KLF8: variants seen among roughly 807,000 people sequenced by gnomAD.
The protein encoded by KLF8 is KLF transcription factor 8, also known as Krueppel-like factor 8.
A neutral mutation model predicts 18.2 loss-of-function variants in KLF8; 10 were observed. The observed-to-expected ratio is 0.55, with a 90% CI of 0.34 to 0.93. The LOEUF (loss-of-function observed/expected upper bound fraction) is 0.93. KLF8 is among the 40% of genes least tolerant of loss of function. KLF8 has a pLI of 0.02. For missense variants in KLF8, 264 were observed against 277.9 expected, an observed-to-expected ratio of 0.95 and a Z score of 0.36; for synonymous variants, 109 against 97.3, an observed-to-expected ratio of 1.12 and a Z score of -0.71.
At chrX:56,142,420 C>G in the KLF8 span, among the ~76,000 whole-genome samples, 1 of 111,390 alleles carries the variant, frequency 9.0e-6, no homozygotes, top group African/African-American at 3.3e-5. Flanking sequence ...ACTGAATCTT[C>G]CATATCTCAT....
the KLF8 span, among the ~76,000 whole-genome samples, chrX:56,091,198 T>G: frequency 1.8e-5 from 2 of 111,174 alleles, no homozygotes; most frequent in Admixed American, 9.6e-5. Context: ...GTTTCCACCA[T>G]GCTATTCTTG....
At chrX:55,976,569 TACACAC>T in the KLF8 span, among the ~76,000 whole-genome samples, 1 of 102,537 alleles carries the variant, frequency 9.8e-6, no homozygotes, top group African/African-American at 3.6e-5. Flanking sequence ...TCCATTTGTG[TACACAC>T]ACACACACAC....
chrX:56,044,777 G>A, the KLF8 span, among the ~76,000 whole-genome samples: 1 of 112,539 alleles, frequency 8.9e-6, no homozygotes, highest in South Asian at 3.7e-4. Flanking sequence ...GGGATTCCAA[G>A]CCAGTGAGTC....
the KLF8 span, among the ~76,000 whole-genome samples, chrX:56,081,249 G>C: frequency 3.6e-5 from 4 of 111,241 alleles, no homozygotes; most frequent in Admixed American, 1.9e-4. Flanking sequence ...CAGTTTTTCT[G>C]TTCTGTTTTT....
At chrX:56,273,195 G>A (rs749457456) in intron 5 of KLF8, among the ~76,000 whole-genome samples, 28 of 111,146 alleles carry the variant, frequency 2.5e-4, no homozygotes, top group Non-Finnish European at 4.5e-4. Flanking sequence ...TTGTGGGTAC[G>A]TAGTAGGTTT....
At chrX:55,925,171 ATTTT>A in the KLF8 span, among the ~76,000 whole-genome samples, 2 of 70,011 alleles carry the variant, frequency 2.9e-5, no homozygotes, top group African/African-American at 5.8e-5. Flanking sequence ...TGGTGGTTTC[ATTTT>A]TTTTTTTTTT....
the KLF8 span, among the ~76,000 whole-genome samples, chrX:56,067,215 T>G: frequency 9.5e-6 from 1 of 104,871 alleles, no homozygotes; most frequent in Non-Finnish European, 2.0e-5. Context: ...TCCATTCGTC[T>G]TTGTGGAGTA....
the KLF8 span, among the ~76,000 whole-genome samples, chrX:56,056,313 T>C: frequency 9.0e-6 from 1 of 110,788 alleles, no homozygotes; most frequent in African/African-American, 3.3e-5. Flanking sequence ...CCAACTGGCT[T>C]CATTTCTGGA....
the KLF8 span, among the ~76,000 whole-genome samples, chrX:56,107,194 C>T: frequency 1.8e-5 from 2 of 112,133 alleles, no homozygotes; most frequent in African/African-American, 6.5e-5. Flanking sequence ...CTGGAGTAGG[C>T]AGTCTGTCCA....
intron 1 of KLF8, among the ~76,000 whole-genome samples, chrX:56,240,707 G>A (rs970749165): frequency 1.8e-5 from 2 of 111,105 alleles, no homozygotes; most frequent in Non-Finnish European, 3.8e-5. Flanking sequence ...CTATTTCAAA[G>A]TACAGGGTAG....
the KLF8 span, among the ~76,000 whole-genome samples, chrX:56,046,799 G>A: frequency 1.1e-4 from 12 of 111,399 alleles, no homozygotes; most frequent in Non-Finnish European, 1.9e-4. Context: ...TTACCTCACA[G>A]CTGTAAAGAT....
intron 1 of KLF8, among the ~76,000 whole-genome samples, chrX:56,234,414 G>T (rs1021748472): frequency 4.5e-5 from 5 of 111,630 alleles, no homozygotes; most frequent in African/African-American, 6.5e-5. Context: ...TGTGTATGTG[G>T]CAGAGGCTGC....
chrX:56,055,109 C>G, the KLF8 span, among the ~76,000 whole-genome samples: 1 of 111,445 alleles, frequency 9.0e-6, no homozygotes, highest in Admixed American at 9.6e-5. Flanking sequence ...TACATTTGAT[C>G]TTGTCAACAT....
At chrX:56,050,547 G>T in the KLF8 span, among the ~76,000 whole-genome samples, 1 of 112,030 alleles carries the variant, frequency 8.9e-6, no homozygotes, top group Non-Finnish European at 1.9e-5. Context: ...TTCAGGAGCA[G>T]GTTGTTCAGT....
At chrX:56,120,071 C>T in the KLF8 span, among the ~76,000 whole-genome samples, 3 of 110,753 alleles carry the variant, frequency 2.7e-5, no homozygotes, top group Admixed American at 9.7e-5. Context: ...CTGGAATCTA[C>T]AATGTAAGTC....
chrX:55,977,114 G>A, the KLF8 span, among the ~76,000 whole-genome samples: 1 of 111,714 alleles, frequency 9.0e-6, no homozygotes, highest in Admixed American at 9.5e-5. Context: ...TTATTTCTTT[G>A]TCTTGTCTAC....
the KLF8 span, among the ~76,000 whole-genome samples, chrX:56,045,541 G>C: frequency 9.0e-6 from 1 of 111,683 alleles, no homozygotes; most frequent in Admixed American, 9.5e-5. Context: ...AATAAGATTT[G>C]TTTTCATTTG....
the KLF8 span, among the ~76,000 whole-genome samples, chrX:56,106,920 A>T: frequency 9.0e-6 from 1 of 111,357 alleles, no homozygotes; most frequent in Non-Finnish European, 1.9e-5. Flanking sequence ...ATTTTTATTG[A>T]TGTTGATGCT....
At chrX:56,095,719 A>G in the KLF8 span, among the ~76,000 whole-genome samples, 1 of 111,860 alleles carries the variant, frequency 8.9e-6, no homozygotes, top group Non-Finnish European at 1.9e-5. Context: ...ATCACTAATC[A>G]TCAGAGAAAT....
Sources: gnomAD v4.1 joint callset for allele counts (sites outside exome capture counted in the v4.1 genomes callset) on GRCh38, gnomAD v4.1.1 for gene constraint, MANE v1.5 for transcripts, NCBI Gene and HGNC (gene_info 2026-07-23, HGNC 2026-07-21) for gene names.